CYFIP2: variants seen among roughly 807,000 people sequenced by gnomAD.
CYFIP2 encodes the protein cytoplasmic FMR1 interacting protein 2.
CYFIP2 carries 29 observed loss-of-function variants against 158.7 expected under a neutral mutation model. The ratio of observed to expected loss-of-function variants is 0.18; its 90% CI spans 0.14 to 0.25. The LOEUF (loss-of-function observed/expected upper bound fraction) is 0.25. Ranked by LOEUF, CYFIP2 falls within the 10% of genes least tolerant of loss-of-function variation. The pLI is 1.00. For synonymous variants in CYFIP2, 585 were observed against 617.6 expected (o/e 0.95, Z 0.78); for missense variants, 852 against 1,639.5 (o/e 0.52, Z 8.29).
intron 26 of CYFIP2, among the ~76,000 whole-genome samples, chr5:157,373,627 C>T (rs1451058185): frequency 6.6e-6 from 1 of 151,852 alleles, no homozygotes; most frequent in East Asian, 1.9e-4. Context: ...TAAATATAGG[C>T]CCAAAAAAAT....
At chr5:157,300,550 GA>G (rs886442522) in intron 5 of CYFIP2, among the ~76,000 whole-genome samples, 164 bp from the exon 6 acceptor site, 14 of 142,264 alleles carry the variant, frequency 9.8e-5, no homozygotes, top group East Asian at 4.2e-4. Flanking sequence ...AAAAAAAAAA[GA>G]AAAAAAGAAA....
intron 26 of CYFIP2, chr5:157,364,201 T>TGGGG (rs1330747273): frequency 2.5e-3 from 37 of 15,084 alleles, no homozygotes; most frequent in South Asian, 4.6e-3. Context: ...TGGGGCGGGG[T>TGGGG]GGCGGGGGGG....
chr5:157,380,189 A>T (rs573370400), intron 26 of CYFIP2: 3 of 152,334 alleles, frequency 2.0e-5, no homozygotes, highest in Admixed American at 6.5e-5. Context: ...TTTTACAATA[A>T]TGATGTTATC....
chr5:157,368,095 GTTT>G (rs1436495778), intron 26 of CYFIP2, among the ~76,000 whole-genome samples: 3 of 152,086 alleles, frequency 2.0e-5, no homozygotes, highest in African/African-American at 7.2e-5. Flanking sequence ...TCTTCCAGAT[GTTT>G]TTATGTTCTA....
intron 20 of CYFIP2, among the ~76,000 whole-genome samples, chr5:157,332,475 C>T (rs549566107): frequency 6.6e-6 from 1 of 152,282 alleles, no homozygotes; most frequent in Admixed American, 6.5e-5. Context: ...CCTATATCTC[C>T]TAAGAACAAG....
intron 15 of CYFIP2, 144 bp downstream of exon 15, chr5:157,320,946 T>C: frequency 9.4e-7 from 1 of 1,068,434 alleles, no homozygotes; most frequent in Non-Finnish European, 1.3e-6. Context: ...GGTCTTATTC[T>C]GCCATCTTGT....
At position 157,315,069 on chromosome 5, in the gene CYFIP2, G is replaced by A; in HGVS notation, c.1331G>A (p.Ser444Asn). 6.2e-7 allele frequency: 1 copy of A among 1,613,656 alleles called. No homozygotes were observed. The highest frequency in any genetic ancestry group is 1.1e-5 in the South Asian group (1 of 90,908). The change falls in exon 13 of 31, where the codon AGT becomes AAT. Residue 444 changes from serine to asparagine, a missense_variant. Physicochemically the swap from Ser to Asn is conservative, Grantham distance 46. Transcript: ENST00000620254. ...YERATRYNYT[S>N]EEKFAFVEVI... Reference sequence around the variant, plus strand: ...AGAGCCACACGCTACAATTACACCAGTGAGGAAAAATTTGCCTTCGTTGAG... The same window carrying A: ...AGAGCCACACGCTACAATTACACCAATGAGGAAAAATTTGCCTTCGTTGAG...
intron 8 of CYFIP2, among the ~76,000 whole-genome samples, chr5:157,306,649 G>C (rs540611647): frequency 2.0e-4 from 31 of 152,284 alleles, no homozygotes; most frequent in African/African-American, 7.0e-4. Flanking sequence ...GGGAGGCCAA[G>C]GCAGGGGGAT....
intron 3 of CYFIP2, among the ~76,000 whole-genome samples, chr5:157,287,364 T>C (rs780125706): frequency 4.0e-4 from 61 of 152,224 alleles, no homozygotes; most frequent in Non-Finnish European, 8.1e-4. Context: ...CACTACTCAC[T>C]TTCTTGAGCT....
chr5:157,302,118 A>G (rs935177846), intron 6 of CYFIP2, among the ~76,000 whole-genome samples: 7 of 152,224 alleles, frequency 4.6e-5, no homozygotes, highest in African/African-American at 1.7e-4. Context: ...TCATGGCCAC[A>G]AATGAGATCC....
At chr5:157,342,615 A>G (rs886624447) in intron 23 of CYFIP2, 1 of 440,454 alleles carries the variant, frequency 2.3e-6, no homozygotes, top group Non-Finnish European at 4.0e-6. Context: ...AATGCTTTCA[A>G]TTCTTAACTG....
At chr5:157,320,048 C>A in intron 14 of CYFIP2, 120 bp downstream of exon 14, 1 of 1,244,390 alleles carries the variant, frequency 8.0e-7, no homozygotes, top group Non-Finnish European at 1.1e-6. Flanking sequence ...CTCCAGAGGG[C>A]TCTTTAGGAG....
chr5:157,360,295 T>C lies in CYFIP2; in HGVS notation c.2831T>C (p.Ile944Thr). 1 of 1,613,774 alleles carries C rather than the reference T, an allele frequency of 6.2e-7. No homozygotes were observed. Among genetic ancestry groups the C allele is most frequent in the Non-Finnish European group, 8.5e-7 (1 of 1,179,736 alleles). ...TTCTTTTGTCAGCTCCAAGGAACCA[T>C]TCTCCAGTATGTGAAAACACTGATA... The part of the protein sequence containing the change: ...KIVKSLLQGT[I>T]LQYVKTLIEV... The change falls in exon 25 of 31, where the codon ATT becomes ACT. Residue 944 changes from isoleucine to threonine, a missense_variant. Transcript: ENST00000620254.
chr5:157,322,868 C>T (rs1561726425), intron 15 of CYFIP2: 1 of 1,387,316 alleles, frequency 7.2e-7, no homozygotes, highest in South Asian at 1.2e-5. Flanking sequence ...CTCTCTCTCT[C>T]TTTCTCTCTC....
At chr5:157,290,416 A>G (rs900098360) in intron 3 of CYFIP2, among the ~76,000 whole-genome samples, 2 of 152,094 alleles carry the variant, frequency 1.3e-5, no homozygotes. Flanking sequence ...TGCATCTTCA[A>G]ATCTCCTTCT....
rs991088981 is a variant in CYFIP2, at chr5:157,279,774, A to T, written c.-23-5565A>T. On this transcript the variant is annotated intron_variant, in intron 1 of 30. Transcript: ENST00000620254. The stretch of plus-strand genomic sequence containing the variant: ...TTTTATTAATTTCTTTTTCAAAATG[A>T]TGAAATGGTCACATGTTCGTAGACC... 4.6e-5 allele frequency among the ~76,000 whole-genome samples: 7 copies of T among 152,266 alleles called. No homozygotes were observed. In the South Asian group the frequency reaches 6.2e-4, roughly 13 times the overall value.
chr5:157,349,126 GT>G (rs375899027), intron 23 of CYFIP2, among the ~76,000 whole-genome samples: 6 of 151,944 alleles, frequency 3.9e-5, no homozygotes, highest in Non-Finnish European at 7.4e-5. Flanking sequence ...ACTTATTTCA[GT>G]TTTTTTTATT....
rs115486612 is a variant in CYFIP2 at position 157,361,717 on chromosome 5, T to C, written c.3039+119T>C. 1,494 of 1,261,750 alleles carry C rather than the reference T, an allele frequency of 1.2e-3. 9 individuals carry two copies. In the African/African-American group the frequency reaches 0.018, roughly 16 times the overall value. 78.2% of individuals were successfully genotyped at this position (1,261,750 alleles called of 1,614,324 possible). On this transcript the variant is annotated intron_variant, in intron 26 of 30. Transcript: ENST00000620254. The surrounding 1 kb of genome is among the most constrained non-coding windows in gnomAD (Gnocchi z 4.4). ...GCTTTGAGTACAAGCTCACATGCTC[T>C]TTTCAGTTCATTTCCAGACAGACAT... is the stretch of plus-strand genomic sequence containing the variant.
At chr5:157,358,919 G>T (rs1763606718) in intron 23 of CYFIP2, 86 bp from the exon 24 acceptor site, 14 of 1,556,726 alleles carry the variant, frequency 9.0e-6, no homozygotes, top group Non-Finnish European at 1.1e-5. Flanking sequence ...GGTTCCTAAT[G>T]CTTCTGTCAG....
Sources: allele counts gnomAD v4.1 joint callset (sites outside exome capture counted in the v4.1 genomes callset), GRCh38; gene constraint gnomAD v4.1.1; non-coding constraint Gnocchi (gnomAD v3.1); transcripts MANE v1.5; gene names NCBI Gene and HGNC (gene_info 2026-07-23, HGNC 2026-07-21).